The following SLF1 variants were observed in gnomAD, a reference collection of about 807,000 sequenced individuals.
SLF1 encodes the protein SMC5-SMC6 complex localization factor protein 1.
SLF1 carries 105 observed loss-of-function variants against 123.0 expected under a neutral mutation model. The observed-to-expected ratio is 0.85, with a 90% CI of 0.73 to 1.00. The LOEUF is 1.00. Among genes scored for constraint, SLF1 ranks in the 50% least tolerant of loss-of-function variants. SLF1 has a pLI of 0.00. For missense variants in SLF1, 1,239 were observed against 1,223.0 expected, an observed-to-expected ratio of 1.01 and a Z score of -0.20; for synonymous variants, 434 against 406.6, an observed-to-expected ratio of 1.07 and a Z score of -0.81.
chr5:94,662,259 T>C (rs941456181), intron 9 of SLF1, 39 bp from the exon 10 acceptor site: 9 of 1,510,714 alleles, frequency 6.0e-6, no homozygotes, highest in Non-Finnish European at 7.2e-6. Flanking sequence ...TTTTTCAATC[T>C]TAAAATGTTG....
At chr5:94,629,769 A>G (rs757670934) in intron 3 of SLF1, 2 of 152,242 alleles carry the variant, frequency 1.3e-5, no homozygotes, top group African/African-American at 2.4e-5. Context: ...ACTTACAAGG[A>G]AAACACTTGC....
rs74763656 is a variant in SLF1 at position 94,667,497 on chromosome 5, C to T, written c.1532+1473C>T. Among the ~76,000 whole-genome samples the T allele has an allele frequency of 5.2e-3, 799 of 152,256 alleles. 11 individuals are homozygous for T. The highest frequency in any genetic ancestry group is 0.018 in the African/African-American group (755 of 41,530). On this transcript the variant is annotated intron_variant, in intron 12 of 20. Coordinates refer to ENST00000265140, the MANE Select transcript of SLF1 (RefSeq NM_032290.4). The stretch of plus-strand genomic sequence containing the variant: ...TAATTTTTCTTCCAAAGTACCCCCC[C>T]ACAGTATGCTCTTTCCAAAGTGATC...
In SLF1 at chr5:94,657,014, T is replaced by A. The variant is rs544768734; in HGVS notation, c.1155+2262T>A. On this transcript the variant is annotated intron_variant, in intron 9 of 20. Transcript: ENST00000265140. ...TATTTATTTAAAATTTATTTATATA[T>A]CTTTAATAAATATTTATTAATTTAT... is the stretch of plus-strand genomic sequence containing the variant. Among the ~76,000 whole-genome samples the A allele has an allele frequency of 3.4e-4, 51 of 148,960 alleles. 1 individual carries two copies. The South Asian group carries it at 7.5e-3, about 22-fold the overall frequency.
rs781586963 is a variant in SLF1, at chr5:94,670,216, A to G, written c.1598A>G (p.His533Arg). Residue 533 changes from histidine (H) to arginine (R), a missense_variant, in exon 13 of 21, where the codon CAC (histidine) becomes CGC (arginine). Transcript: ENST00000265140. ...ISENIGSKVL[H>R]LTLLKFFFNL... ...GAAAATATTGGCTCCAAGGTGCTCCACCTGACGCTACTCAAATTTTTCTTT... is the reference window on the plus strand; with the variant it reads ...GAAAATATTGGCTCCAAGGTGCTCCGCCTGACGCTACTCAAATTTTTCTTT... 6.6e-7 allele frequency: 1 copy of G among 1,520,346 alleles called. No individual in the cohort carries two copies. Among genetic ancestry groups the G allele is most frequent in the Non-Finnish European group, 8.8e-7 (1 of 1,136,448 alleles). 94.2% of individuals were successfully genotyped at this position (1,520,346 alleles called of 1,614,324 possible). A position where few individuals can be genotyped will look rare whatever the true frequency, so the allele number is the denominator to read the frequency against.
intron 9 of SLF1, among the ~76,000 whole-genome samples, chr5:94,657,461 A>G (rs939919259): frequency 6.6e-6 from 1 of 151,990 alleles, no homozygotes; most frequent in Non-Finnish European, 1.5e-5. Context: ...GTGTGGCCTA[A>G]TGTCTGTCCG....
At chr5:94,634,719 G>T (rs1585114957) in intron 4 of SLF1, among the ~76,000 whole-genome samples, 1 of 152,034 alleles carries the variant, frequency 6.6e-6, no homozygotes, top group African/African-American at 2.4e-5. Flanking sequence ...CCCTTTTCTC[G>T]ATACCTTCAC....
At chr5:94,634,653 CTT>C (rs1371110499) in intron 4 of SLF1, among the ~76,000 whole-genome samples, 2 of 152,160 alleles carry the variant, frequency 1.3e-5, no homozygotes, top group Non-Finnish European at 2.9e-5. Flanking sequence ...GCAGATAGCT[CTT>C]TAACATACTG....
At chr5:94,642,131 C>G (rs572098188) in intron 4 of SLF1, among the ~76,000 whole-genome samples, 1 of 152,322 alleles carries the variant, frequency 6.6e-6, no homozygotes, top group African/African-American at 2.4e-5. Flanking sequence ...AAAAGACTGT[C>G]TTATTCTTAC....
At chr5:94,658,931 A>G (rs1029352138) in intron 9 of SLF1, among the ~76,000 whole-genome samples, 1 of 101,212 alleles carries the variant, frequency 9.9e-6, no homozygotes, top group African/African-American at 4.0e-5. Context: ...CATTCATTGA[A>G]TTCTTAAGTT....
chr5:94,663,576 G>A (rs573592179), intron 10 of SLF1, among the ~76,000 whole-genome samples, 174 bp from the exon 11 acceptor site: 27 of 152,292 alleles, frequency 1.8e-4, no homozygotes, highest in African/African-American at 5.3e-4. Context: ...CCTGGGAGAC[G>A]GAGGTTGCAA....
chr5:94,653,143 C>T, intron 7 of SLF1, 129 bp from the exon 8 acceptor site: 1 of 878,982 alleles, frequency 1.1e-6, no homozygotes, highest in Admixed American at 3.8e-5. Context: ...AGGCATGAGC[C>T]ACCGCGCCCG....
chr5:94,685,361 C>G (rs1178236138), intron 15 of SLF1, among the ~76,000 whole-genome samples: 1 of 152,070 alleles, frequency 6.6e-6, no homozygotes, highest in East Asian at 1.9e-4. Flanking sequence ...TTGACTTATT[C>G]TTTATTCTTC....
At chr5:94,689,163 T>A (rs889856075) in intron 17 of SLF1, among the ~76,000 whole-genome samples, 3 of 152,224 alleles carry the variant, frequency 2.0e-5, no homozygotes, top group African/African-American at 7.2e-5. Context: ...AGAGGCCTGC[T>A]TGATCTTAGC....
rs965392736 is a variant in SLF1 at position 94,697,452 on chromosome 5, A to G, written c.*2140A>G. On this transcript the variant is annotated 3_prime_UTR_variant, in exon 21 of 21. Transcript: ENST00000265140. ...TCATAGTCTTAGTCCTAGATTTTCA[A>G]TGGCAGACTTTTCAAAGTTGCATCT... 6.6e-6 allele frequency: 1 copy of G among 151,926 alleles called. No homozygotes were observed. Among genetic ancestry groups the G allele is most frequent in the Non-Finnish European group, 1.5e-5 (1 of 67,910 alleles). 9.4% of individuals were successfully genotyped at this position (151,926 alleles called of 1,614,324 possible). A position where few individuals can be genotyped will look rare whatever the true frequency, so the allele number is the denominator to read the frequency against.
chr5:94,686,661 G>A lies in SLF1; in HGVS notation c.2064G>A (p.Lys688=). ...TTGTTGCAGAGGCAGTCTTTAAAAA[G>A]TTGTGTCTACAGAGCTCTGGCAGTG... ...QMFVAEAVFK[K]LCLQSSGSVS... The change falls in exon 16 of 21, where the codon AAG becomes AAA. Residue 688 remains lysine, a synonymous_variant. Transcript: ENST00000265140. 1.2e-6 allele frequency: 2 copies of A among 1,614,052 alleles called. No homozygotes were observed. The highest frequency in any genetic ancestry group is 2.2e-5 in the East Asian group (1 of 44,860).
In SLF1 at chr5:94,696,702, A is replaced by G. The variant is rs112630117; in HGVS notation, c.*1390A>G. 2.0e-4 allele frequency: 30 copies of G among 151,966 alleles called. No individual in the cohort carries two copies. Among genetic ancestry groups the G allele is most frequent in the African/African-American group, 6.3e-4 (26 of 41,532 alleles). The allele number at this position is 151,966 out of a possible 1,614,324, so 9.4% of individuals were successfully genotyped here. ...TGGGATAGTGTTTGCTTGGTAAACT[A>G]ATATAAACTTGTAAACATAGGCTTT... On this transcript the variant is annotated 3_prime_UTR_variant, in exon 21 of 21. Coordinates refer to ENST00000265140, the MANE Select transcript of SLF1 (RefSeq NM_032290.4).
chr5:94,621,337 A>G (rs548422975), intron 1 of SLF1, among the ~76,000 whole-genome samples: 55 of 152,304 alleles, frequency 3.6e-4, no homozygotes, highest in African/African-American at 1.2e-3. Context: ...GTAGTTTCTT[A>G]ATCACTCCGA....
rs183928524 is a variant in SLF1 at position 94,663,373 on chromosome 5, G to A, written c.1210-377G>A. Among the ~76,000 whole-genome samples the A allele has an allele frequency of 1.9e-3, 284 of 152,396 alleles. 1 individual carries two copies. Among genetic ancestry groups the A allele is most frequent in the Non-Finnish European group, 2.5e-3 (167 of 68,044 alleles). On this transcript the variant is annotated intron_variant, in intron 10 of 20. Coordinates refer to ENST00000265140, the MANE Select transcript of SLF1 (RefSeq NM_032290.4). ...AAAATTTGTTACTAGGCTGGGTGCA[G>A]TGGCTTACGCCTATAATCCCAGCAC...
At chr5:94,647,664 C>T (rs1747212903) in intron 5 of SLF1, among the ~76,000 whole-genome samples, 1 of 152,104 alleles carries the variant, frequency 6.6e-6, no homozygotes, top group Admixed American at 6.6e-5. Context: ...TAAGTTGACA[C>T]TAAGATACTT....
Sources: gnomAD v4.1 joint callset for allele counts (sites outside exome capture counted in the v4.1 genomes callset) on GRCh38, gnomAD v4.1.1 for gene constraint, MANE v1.5 for transcripts, NCBI Gene and HGNC (gene_info 2026-07-23, HGNC 2026-07-21) for gene names.